The following ZFX variants were observed in gnomAD, a reference collection of about 807,000 sequenced individuals.
ZFX encodes zinc finger X-chromosomal protein.
For missense variants in ZFX, 362 were observed against 628.3 expected, an observed-to-expected ratio of 0.58 and a Z score of 4.53; for synonymous variants, 196 against 226.8, an observed-to-expected ratio of 0.86 and a Z score of 1.22.
At position 24,214,857 on chromosome X, in the gene ZFX, A is replaced by G. The variant is rs1242659507; in HGVS notation, c.*3481A>G. On this transcript the variant is annotated 3_prime_UTR_variant, in exon 10 of 10. Coordinates refer to ENST00000304543, the MANE Select transcript of ZFX (RefSeq NM_003410.4). Reference sequence around the variant, plus strand: ...AGTGGGGACTGTTACCACCTCCACAACAGAAATCATGCCCTCGAGTTACCC... The same window carrying G: ...AGTGGGGACTGTTACCACCTCCACAGCAGAAATCATGCCCTCGAGTTACCC... 2 of 111,834 alleles carry G rather than the reference A, an allele frequency of 1.8e-5. No individual in the cohort carries two copies. The highest frequency in any genetic ancestry group is 6.5e-5 in the African/African-American group (2 of 30,733). The allele number at this position is 111,834 out of a possible 1,213,427, so 9.2% of individuals were successfully genotyped here. A position where few individuals can be genotyped will look rare whatever the true frequency, so the allele number is the denominator to read the frequency against.
intron 5 of ZFX, among the ~76,000 whole-genome samples, chrX:24,180,088 C>T (rs912169247): frequency 6.4e-5 from 7 of 109,562 alleles, no homozygotes; most frequent in African/African-American, 1.7e-4. Context: ...AAAAATTAAC[C>T]GGGTGTGGTG....
chrX:24,169,955 G>A (rs1934409148), intron 3 of ZFX, among the ~76,000 whole-genome samples: 1 of 110,286 alleles, frequency 9.1e-6, no homozygotes, highest in Non-Finnish European at 1.9e-5. Flanking sequence ...CACAAATTAG[G>A]GAGTTGATTG....
intron 7 of ZFX, 58 bp from the exon 8 acceptor site, chrX:24,208,160 G>GT (rs1937745510): frequency 8.5e-7 from 1 of 1,170,098 alleles, no homozygotes. Context: ...AAATAAAAAC[G>GT]TGTTTCCTGT....
At chrX:24,176,282 G>A (rs1202162299) in intron 4 of ZFX, among the ~76,000 whole-genome samples, 3 of 109,454 alleles carry the variant, frequency 2.7e-5, no homozygotes, top group Admixed American at 9.8e-5. Context: ...CAGGTGATTC[G>A]CCTGCCTTGG....
At chrX:24,209,429 ATTC>A (rs951126716) in intron 9 of ZFX, among the ~76,000 whole-genome samples, 3 of 112,460 alleles carry the variant, frequency 2.7e-5, no homozygotes, top group Non-Finnish European at 3.7e-5. Context: ...TGACATTCCT[ATTC>A]TTGTATGATG....
At chrX:24,178,024 C>T (rs758666490) in intron 4 of ZFX, among the ~76,000 whole-genome samples, 7 of 108,244 alleles carry the variant, frequency 6.5e-5, no homozygotes, top group East Asian at 2.9e-4. Flanking sequence ...CTCTGCCTCA[C>T]GGGTTCACGC....
intron 5 of ZFX, among the ~76,000 whole-genome samples, chrX:24,184,359 T>C (rs1382981317): frequency 9.0e-6 from 1 of 111,634 alleles, no homozygotes; most frequent in Non-Finnish European, 1.9e-5. Flanking sequence ...CTCTGCACTT[T>C]CTGCCCTTTC....
chrX:24,152,595 A>G (rs887903977), intron 2 of ZFX, 125 bp from the exon 3 acceptor site: 4 of 112,187 alleles, frequency 3.6e-5, no homozygotes, highest in Admixed American at 1.9e-4. Flanking sequence ...TGGTTTAGAA[A>G]AGTTCGAGAA....
chrX:24,209,189 A>G (rs1411663694), intron 9 of ZFX, 149 bp downstream of exon 9: 2 of 828,007 alleles, frequency 2.4e-6, no homozygotes, highest in Non-Finnish European at 3.3e-6. Flanking sequence ...AATTTTCAGA[A>G]TTCAGTGATA....
chrX:24,165,935 A>G (rs1363067995), intron 3 of ZFX, among the ~76,000 whole-genome samples: 1 of 112,858 alleles, frequency 8.9e-6, no homozygotes, highest in African/African-American at 3.2e-5. Context: ...ATTATGATAT[A>G]TGGTAGAATG....
chrX:24,172,415 G>T (rs907407477), intron 3 of ZFX, among the ~76,000 whole-genome samples: 2 of 111,948 alleles, frequency 1.8e-5, no homozygotes, highest in Non-Finnish European at 3.8e-5. Flanking sequence ...AAAAGTTTAT[G>T]TATGTATTAG....
At position 24,213,045 on chromosome X, in the gene ZFX, T is replaced by A. The variant is rs1260030288; in HGVS notation, c.*1669T>A. ...CCTCAGCCTCTCGAGTAGCTGGGAT[T>A]ACAGGCGCCCACCACCACGCCCGGC... On this transcript the variant is annotated 3_prime_UTR_variant, in exon 10 of 10. Coordinates refer to ENST00000304543, the MANE Select transcript of ZFX (RefSeq NM_003410.4). 1 of 110,758 alleles carries A rather than the reference T, an allele frequency of 9.0e-6. No homozygotes were observed. The highest frequency in any genetic ancestry group is 1.9e-5 in the Non-Finnish European group (1 of 52,973). The allele number at this position is 110,758 out of a possible 1,213,427, so 9.1% of individuals were successfully genotyped here.
At position 24,207,482 on chromosome X, in the gene ZFX, A is replaced by G. The variant is rs772366860; in HGVS notation, c.796+7A>G. On this transcript the variant is annotated splice_region_variant and intron_variant, in intron 6 of 9. Transcript: ENST00000304543. ...CCTGGAGAAGATGACTTAGGTAAGA[A>G]GAAGTGTTTAGACATTATACATCCT... 51 of 1,202,798 alleles carry G rather than the reference A, an allele frequency of 4.2e-5. No homozygotes were observed. Among genetic ancestry groups the G allele is most frequent in the Non-Finnish European group, 5.4e-5 (48 of 893,084 alleles).
rs1262201685 is a variant in ZFX at position 24,211,740 on chromosome X, ACT to A, written c.*367_*368del. 2.2e-5 allele frequency: 3 copies of A among 134,841 alleles called. No homozygotes were observed. Among genetic ancestry groups the A allele is most frequent in the Non-Finnish European group, 4.4e-5 (3 of 68,295 alleles). The allele number at this position is 134,841 out of a possible 1,213,427, so 11.1% of individuals were successfully genotyped here. The stretch of plus-strand genomic sequence containing the variant: ...AACTTAAGGTAACTTTATATTGGTA[ACT>A]CTGAAAGTATTCATGTTGACTCATT... On this transcript the variant is annotated 3_prime_UTR_variant, in exon 10 of 10. Coordinates refer to ENST00000304543, the MANE Select transcript of ZFX (RefSeq NM_003410.4).
intron 4 of ZFX, among the ~76,000 whole-genome samples, chrX:24,174,746 C>A (rs975381631): frequency 9.1e-6 from 1 of 110,027 alleles, no homozygotes; most frequent in Non-Finnish European, 1.9e-5. Flanking sequence ...CAGGGTCTCA[C>A]CCTGTTGCCT....
chrX:24,177,781 G>GA (rs1218440113), intron 4 of ZFX: 9 of 749,983 alleles, frequency 1.2e-5, no homozygotes, highest in Admixed American at 9.0e-5. Flanking sequence ...AGGGAGAAAG[G>GA]AAAAAAAATA....
chrX:24,209,677 G>T (rs1030612794), intron 9 of ZFX, among the ~76,000 whole-genome samples: 5 of 111,116 alleles, frequency 4.5e-5, no homozygotes, highest in Non-Finnish European at 9.4e-5. Flanking sequence ...CTGGGTACAG[G>T]TGGTTCTCCT....
Position 24,179,564 on chromosome X carries a change from T to G in ZFX, c.440T>G (p.Val147Gly), listed in dbSNP as rs747616979. Residue 147 changes from valine to glycine, a missense_variant, in exon 5 of 10, where the codon GTT becomes GGT. Physicochemically the swap from Val to Gly is moderately radical, Grantham distance 109. Coordinates refer to ENST00000304543, the MANE Select transcript of ZFX (RefSeq NM_003410.4). ...DSIHVSDVGH[V>G]GHVGHVEHVV... is the part of the protein sequence containing the mutation. ...ATACATGTGTCTGACGTTGGACATG[T>G]TGGACATGTTGGACATGTTGAACAT... is the stretch of plus-strand genomic sequence containing the variant. 3 of 1,211,659 alleles carry G rather than the reference T, an allele frequency of 2.5e-6. No homozygotes were observed. Among genetic ancestry groups the G allele is most frequent in the South Asian group, 3.5e-5 (2 of 56,975 alleles).
At chrX:24,205,166 A>G (rs970721789) in intron 5 of ZFX, among the ~76,000 whole-genome samples, 6 of 112,418 alleles carry the variant, frequency 5.3e-5, no homozygotes, top group Non-Finnish European at 9.4e-5. Flanking sequence ...GACAAGCTCA[A>G]TGAGCCTTCT....
Sources: allele counts gnomAD v4.1 joint callset (sites outside exome capture counted in the v4.1 genomes callset), GRCh38; gene constraint gnomAD v4.1.1; transcripts MANE v1.5; gene names NCBI Gene and HGNC (gene_info 2026-07-23, HGNC 2026-07-21).